Variants in RAP1GDS1 observed in about 807,000 individuals in gnomAD.
RAP1GDS1 encodes RAP1, GTP-GDP dissociation stimulator 1.
A neutral mutation model predicts 71.1 loss-of-function variants in RAP1GDS1; 35 were observed. That is an observed-to-expected ratio of 0.49 (90% CI 0.38 to 0.65). The LOEUF (loss-of-function observed/expected upper bound fraction) is 0.65. Among genes scored for constraint, RAP1GDS1 ranks in the 30% least tolerant of loss-of-function variants. RAP1GDS1 has a pLI of 0.00. For missense variants in RAP1GDS1, 663 were observed against 706.1 expected, an observed-to-expected ratio of 0.94 and a Z score of 0.69; for synonymous variants, 229 against 243.1, an observed-to-expected ratio of 0.94 and a Z score of 0.54.
chr4:98,431,287 A>G (rs775683527), intron 12 of RAP1GDS1, among the ~76,000 whole-genome samples: 2 of 152,178 alleles, frequency 1.3e-5, no homozygotes, highest in Non-Finnish European at 2.9e-5. Flanking sequence ...TGGCTCACCA[A>G]CTCAATGGCT....
chr4:98,394,922 G>GTTCT (rs1453735835), intron 6 of RAP1GDS1, among the ~76,000 whole-genome samples: 1 of 151,982 alleles, frequency 6.6e-6, no homozygotes, highest in Non-Finnish European at 1.5e-5. Context: ...AGAAATACAT[G>GTTCT]TTCTTATCAC....
At chr4:98,397,934 T>C (rs1341674097) in intron 6 of RAP1GDS1, among the ~76,000 whole-genome samples, 2 of 152,130 alleles carry the variant, frequency 1.3e-5, no homozygotes, top group African/African-American at 4.8e-5. Flanking sequence ...CTTAAAGTTA[T>C]TTATATTGAG....
At chr4:98,271,278 C>G (rs764539532) in intron 1 of RAP1GDS1, among the ~76,000 whole-genome samples, 11 of 152,128 alleles carry the variant, frequency 7.2e-5, no homozygotes, top group Non-Finnish European at 1.2e-4. Flanking sequence ...GTAGACATCT[C>G]TACTAATTAA....
At chr4:98,295,559 C>T (rs891503028) in intron 2 of RAP1GDS1, among the ~76,000 whole-genome samples, 1 of 152,018 alleles carries the variant, frequency 6.6e-6, no homozygotes, top group Non-Finnish European at 1.5e-5. Flanking sequence ...GTATTATTAT[C>T]ACCATTTAAA....
chr4:98,434,673 T>G (rs972632309), intron 13 of RAP1GDS1, among the ~76,000 whole-genome samples: 44 of 149,298 alleles, frequency 2.9e-4, no homozygotes, highest in Non-Finnish European at 4.9e-4. Context: ...GAGGCTAGAG[T>G]GCAGTGGCGC....
At chr4:98,435,091 C>G (rs370205215) in intron 13 of RAP1GDS1, among the ~76,000 whole-genome samples, 60 of 152,272 alleles carry the variant, frequency 3.9e-4, no homozygotes, top group East Asian at 3.9e-3. Context: ...CTGCTTAACA[C>G]AAAGGAGGAC....
At chr4:98,284,908 A>C (rs539508557) in intron 1 of RAP1GDS1, among the ~76,000 whole-genome samples, 159 of 152,266 alleles carry the variant, frequency 1.0e-3, no homozygotes, top group African/African-American at 3.7e-3. Context: ...ATGAACTGTT[A>C]GATGATTTAG....
At chr4:98,281,448 A>G (rs1163351899) in intron 1 of RAP1GDS1, among the ~76,000 whole-genome samples, 1 of 152,134 alleles carries the variant, frequency 6.6e-6, no homozygotes, top group Non-Finnish European at 1.5e-5. Flanking sequence ...TGATTTTTGC[A>G]CATTGATTTT....
intron 13 of RAP1GDS1, 70 bp downstream of exon 13, chr4:98,434,132 G>A (rs1750830644): frequency 4.5e-6 from 7 of 1,556,216 alleles, no homozygotes; most frequent in East Asian, 2.3e-5. Context: ...TAGAAGTGGA[G>A]TTGAAGTCAG....
At chr4:98,402,338 T>C (rs1745546173) in intron 6 of RAP1GDS1, among the ~76,000 whole-genome samples, 1 of 152,106 alleles carries the variant, frequency 6.6e-6, no homozygotes, top group African/African-American at 2.4e-5. Context: ...TCCGGAAGTG[T>C]TGGGATTGCA....
chr4:98,359,383 CAG>C (rs1451807002), intron 4 of RAP1GDS1, among the ~76,000 whole-genome samples: 1 of 151,926 alleles, frequency 6.6e-6, no homozygotes, highest in Non-Finnish European at 1.5e-5. Flanking sequence ...GAATAAAAGA[CAG>C]AAGATAAATG....
chr4:98,365,762 G>A (rs758491890), intron 4 of RAP1GDS1, among the ~76,000 whole-genome samples: 3 of 151,960 alleles, frequency 2.0e-5, no homozygotes, highest in Non-Finnish European at 4.4e-5. Context: ...TTTACTGATT[G>A]TTAATATACC....
chr4:98,427,506 A>G (rs986104020), intron 12 of RAP1GDS1, among the ~76,000 whole-genome samples: 2 of 152,194 alleles, frequency 1.3e-5, no homozygotes, highest in African/African-American at 4.8e-5. Context: ...TGATAAAAGA[A>G]TTCAGCAAAG....
At chr4:98,296,142 C>T (rs1727715593) in intron 2 of RAP1GDS1, among the ~76,000 whole-genome samples, 1 of 151,944 alleles carries the variant, frequency 6.6e-6, no homozygotes, top group Non-Finnish European at 1.5e-5. Context: ...ATAATTGCAC[C>T]TGATCAGGAA....
intron 7 of RAP1GDS1, among the ~76,000 whole-genome samples, chr4:98,413,300 A>G (rs930876889): frequency 7.9e-5 from 12 of 151,824 alleles, no homozygotes; most frequent in Admixed American, 2.0e-4. Flanking sequence ...TACATGTGCC[A>G]TGCTGGTGCG....
intron 2 of RAP1GDS1, among the ~76,000 whole-genome samples, chr4:98,324,678 C>T (rs1732641991): frequency 7.0e-6 from 1 of 143,406 alleles, no homozygotes; most frequent in Non-Finnish European, 1.5e-5. Flanking sequence ...GGAAAGGATT[C>T]CCTATTTAAT....
intron 1 of RAP1GDS1, among the ~76,000 whole-genome samples, chr4:98,280,137 C>T (rs1193103750): frequency 2.0e-5 from 3 of 152,166 alleles, no homozygotes; most frequent in African/African-American, 7.2e-5. Flanking sequence ...AATGGGATTG[C>T]TGGGTCAAAT....
chr4:98,375,554 G>T (rs1274598982), intron 4 of RAP1GDS1, among the ~76,000 whole-genome samples: 1 of 152,064 alleles, frequency 6.6e-6, no homozygotes, highest in Non-Finnish European at 1.5e-5. Flanking sequence ...TAAAAGCCAG[G>T]CTAAGAATAC....
At chr4:98,268,374 G>GA (rs1372110086) in intron 1 of RAP1GDS1, among the ~76,000 whole-genome samples, 1 of 152,076 alleles carries the variant, frequency 6.6e-6, no homozygotes, top group African/African-American at 2.4e-5. Flanking sequence ...ACTTAATGGT[G>GA]AAAATCTGAA....
Sources: allele counts gnomAD v4.1 joint callset (sites outside exome capture counted in the v4.1 genomes callset), GRCh38; gene constraint gnomAD v4.1.1; transcripts MANE v1.5; gene names NCBI Gene and HGNC (gene_info 2026-07-23, HGNC 2026-07-21).